The following GPC6 variants were observed in gnomAD, a reference collection of about 807,000 sequenced individuals.
GPC6 encodes the protein glypican 6.
GPC6 carries 14 observed loss-of-function variants against 55.2 expected under a neutral mutation model. The ratio of observed to expected loss-of-function variants is 0.25; its 90% CI spans 0.17 to 0.40. The LOEUF (loss-of-function observed/expected upper bound fraction) is 0.40. GPC6 is among the 10% of genes least tolerant of loss of function. The pLI, the probability that GPC6 is intolerant of heterozygous loss-of-function variation, is 1.00. For synonymous variants in GPC6, 278 were observed against 259.6 expected (o/e 1.07, Z -0.68); for missense variants, 641 against 708.5 (o/e 0.90, Z 1.08).
chr13:94,146,354 A>G (rs1353619752), intron 4 of GPC6, among the ~76,000 whole-genome samples: 3 of 152,174 alleles, frequency 2.0e-5, no homozygotes, highest in Non-Finnish European at 2.9e-5. Flanking sequence ...ACACAGTTGT[A>G]ATTTACTATC....
At chr13:94,279,428 G>A (rs938219230) in intron 4 of GPC6, among the ~76,000 whole-genome samples, 4 of 147,022 alleles carry the variant, frequency 2.7e-5, no homozygotes, top group African/African-American at 7.5e-5. Context: ...AAGGATTTTT[G>A]TGTCTTTATC....
chr13:93,711,259 AG>A (rs1883048981), intron 2 of GPC6, among the ~76,000 whole-genome samples: 1 of 151,786 alleles, frequency 6.6e-6, no homozygotes, highest in Non-Finnish European at 1.5e-5. Context: ...CACATGGCTG[AG>A]GAGACCTCAC....
At chr13:93,367,670 A>G (rs1594122883) in intron 1 of GPC6, among the ~76,000 whole-genome samples, 1 of 152,206 alleles carries the variant, frequency 6.6e-6, no homozygotes, top group East Asian at 1.9e-4. Context: ...ATCTCTTGCA[A>G]CTAACTGCCT....
At chr13:93,533,723 C>T (rs1881951107) in intron 1 of GPC6, among the ~76,000 whole-genome samples, 1 of 152,052 alleles carries the variant, frequency 6.6e-6, no homozygotes, top group Non-Finnish European at 1.5e-5. Context: ...GCATGCCTTA[C>T]ACATTCTAAT....
upstream of GPC6, among the ~76,000 whole-genome samples, chr13:93,224,021 T>C (rs575795567): frequency 2.6e-4 from 38 of 147,288 alleles, no homozygotes; most frequent in Non-Finnish European, 5.2e-4. Context: ...TGCCTCAGCC[T>C]CCTGAGTAGC....
chr13:93,922,927 T>A (rs375109733), intron 3 of GPC6, among the ~76,000 whole-genome samples: 1 of 152,168 alleles, frequency 6.6e-6, no homozygotes, highest in East Asian at 1.9e-4. Context: ...CCACCTCTTA[T>A]AATGAATATA....
intron 6 of GPC6, among the ~76,000 whole-genome samples, chr13:94,364,096 T>C (rs945979099): frequency 2.0e-5 from 3 of 152,210 alleles, no homozygotes; most frequent in Non-Finnish European, 4.4e-5. Flanking sequence ...GCTTACATGA[T>C]GTTTCTACTG....
intron 4 of GPC6, among the ~76,000 whole-genome samples, chr13:94,175,953 TATAGAGAGAGAGAG>T (rs1357591151): frequency 1.9e-5 from 2 of 106,580 alleles, no homozygotes; most frequent in African/African-American, 6.6e-5. Flanking sequence ...TATATATATA[TATAGAGAGAGAGAG>T]AGAGAGAGAG....
chr13:93,682,566 T>C (rs1347873839), intron 2 of GPC6, among the ~76,000 whole-genome samples: 3 of 152,096 alleles, frequency 2.0e-5, no homozygotes, highest in Non-Finnish European at 4.4e-5. Context: ...GCTCCATATG[T>C]CTATAAAACA....
At chr13:93,653,645 AT>A (rs1422335099) in intron 2 of GPC6, among the ~76,000 whole-genome samples, 4 of 10,900 alleles carry the variant, frequency 3.7e-4, no homozygotes, top group African/African-American at 5.6e-4. Context: ...CTTAAAAAAA[AT>A]ATATATTTTT....
intron 1 of GPC6, among the ~76,000 whole-genome samples, chr13:93,492,081 G>A (rs370378417): frequency 1.4e-5 from 2 of 143,958 alleles, no homozygotes; most frequent in Admixed American, 7.0e-5. Flanking sequence ...GCTTGATGGG[G>A]ATGGCATTGA....
At chr13:94,395,910 A>G (rs533113309) in intron 7 of GPC6, among the ~76,000 whole-genome samples, 2 of 152,264 alleles carry the variant, frequency 1.3e-5, no homozygotes, top group South Asian at 2.1e-4. Context: ...TCTACAAGCT[A>G]TATCATCTGG....
intron 2 of GPC6, among the ~76,000 whole-genome samples, chr13:93,622,502 A>G (rs1879000868): frequency 4.0e-5 from 2 of 50,144 alleles, no homozygotes; most frequent in Non-Finnish European, 7.3e-5. Context: ...TCTCAAGCAT[A>G]TACACACCCA....
intron 3 of GPC6, among the ~76,000 whole-genome samples, chr13:93,966,964 AT>A (rs903994643): frequency 6.6e-6 from 1 of 152,036 alleles, no homozygotes; most frequent in Non-Finnish European, 1.5e-5. Context: ...ATGTTTCATT[AT>A]TTTTTTAAAG....
chr13:93,289,052 A>G (rs1878230658), intron 1 of GPC6, among the ~76,000 whole-genome samples: 1 of 152,190 alleles, frequency 6.6e-6, no homozygotes, highest in South Asian at 2.1e-4. Flanking sequence ...CTAAGATGGA[A>G]GCAAGAGAAG....
intron 6 of GPC6, among the ~76,000 whole-genome samples, chr13:94,373,404 C>G (rs968374100): frequency 2.2e-4 from 34 of 152,044 alleles, no homozygotes; most frequent in African/African-American, 8.2e-4. Context: ...GGCTCGAGAA[C>G]TACGTGAAAA....
chr13:94,049,508 T>C (rs1290143992), intron 4 of GPC6, among the ~76,000 whole-genome samples: 1 of 152,100 alleles, frequency 6.6e-6, no homozygotes, highest in African/African-American at 2.4e-5. Flanking sequence ...TGAGATCTGC[T>C]TTCTAAGACC....
chr13:93,786,398 T>A (rs1435464615), intron 2 of GPC6, among the ~76,000 whole-genome samples: 2 of 152,200 alleles, frequency 1.3e-5, no homozygotes, highest in Non-Finnish European at 2.9e-5. Context: ...CTTACTATTA[T>A]GACTATCGTT....
At chr13:94,169,420 G>T (rs1888482293) in intron 4 of GPC6, among the ~76,000 whole-genome samples, 1 of 152,156 alleles carries the variant, frequency 6.6e-6, no homozygotes, top group Non-Finnish European at 1.5e-5. Flanking sequence ...GTGGTATTTA[G>T]AATGCCGAAA....
Sources: gnomAD v4.1 joint callset for allele counts (sites outside exome capture counted in the v4.1 genomes callset) on GRCh38, gnomAD v4.1.1 for gene constraint, MANE v1.5 for transcripts, NCBI Gene and HGNC (gene_info 2026-07-23, HGNC 2026-07-21) for gene names.